The following GPBP1 variants were observed in gnomAD, a reference collection of about 807,000 sequenced individuals.
The protein encoded by GPBP1 is GC-rich promoter binding protein 1, also known as vasculin.
A neutral mutation model predicts 56.5 loss-of-function variants in GPBP1; 13 were observed. The observed-to-expected ratio is 0.23, with a 90% CI of 0.15 to 0.37. GPBP1 has a LOEUF of 0.37. GPBP1 is among the 10% of genes least tolerant of loss of function. The probability of loss-of-function intolerance (pLI) is 1.00; values close to 1 mark genes in which losing one functional copy is unlikely to be tolerated. For missense variants in GPBP1, 477 were observed against 572.3 expected, an observed-to-expected ratio of 0.83 and a Z score of 1.70; for synonymous variants, 204 against 188.9, an observed-to-expected ratio of 1.08 and a Z score of -0.66.
intron 3 of GPBP1, among the ~76,000 whole-genome samples, chr5:57,221,758 C>T (rs1410613342): frequency 6.6e-6 from 1 of 152,100 alleles, no homozygotes; most frequent in East Asian, 1.9e-4. Context: ...CCAAAACTTT[C>T]CTTTGACAAT....
At chr5:57,183,648 C>CA (rs1185479379) in intron 2 of GPBP1, among the ~76,000 whole-genome samples, 2 of 151,070 alleles carry the variant, frequency 1.3e-5, no homozygotes, top group African/African-American at 2.4e-5. Flanking sequence ...CCCCCCATCT[C>CA]AAAAAAAGAA....
chr5:57,178,227 CATA>C (rs1753882356), intron 2 of GPBP1, among the ~76,000 whole-genome samples: 1 of 152,176 alleles, frequency 6.6e-6, no homozygotes, highest in South Asian at 2.1e-4. Flanking sequence ...TAGAAAACTA[CATA>C]ATATTTATTA....
At position 57,188,258 on chromosome 5, in the gene GPBP1, G is replaced by T. The variant is rs569789521; in HGVS notation, c.-58+11858G>T. Among the ~76,000 whole-genome samples, 3 of 145,056 alleles carry T rather than the reference G, an allele frequency of 2.1e-5. No individual in the cohort carries two copies. The South Asian group carries it at 6.6e-4, about 32-fold the overall frequency. ...GAGACTGTCTCAAAAAAAAAAAAAT[G>T]GTTGAAGCACATGCATTCCACTCTT... On this transcript the variant is annotated intron_variant, in intron 2 of 11. Transcript: ENST00000506184.
chr5:57,234,858 A>C (rs1276125810), intron 5 of GPBP1, among the ~76,000 whole-genome samples: 1 of 145,314 alleles, frequency 6.9e-6, no homozygotes, highest in Non-Finnish European at 1.6e-5. Context: ...GATTGTGCCC[A>C]CAATTTGAGT....
intron 2 of GPBP1, among the ~76,000 whole-genome samples, chr5:57,198,240 C>G (rs978376005): frequency 6.6e-6 from 1 of 152,176 alleles, no homozygotes; most frequent in African/African-American, 2.4e-5. Context: ...CACATGTATT[C>G]TAGGCCTTGG....
At chr5:57,257,884 T>TA (rs1466378034) in intron 10 of GPBP1, among the ~76,000 whole-genome samples, 2 of 152,216 alleles carry the variant, frequency 1.3e-5, no homozygotes, top group Non-Finnish European at 2.9e-5. Context: ...TAGTTTGTTT[T>TA]AAGGGTGTTG....
chr5:57,209,233 TA>T (rs1755372056), intron 2 of GPBP1, among the ~76,000 whole-genome samples: 1 of 152,242 alleles, frequency 6.6e-6, no homozygotes, highest in South Asian at 2.1e-4. Context: ...CTTTAGAATT[TA>T]TGTAAGATCA....
chr5:57,246,200 A>T (rs950568311), intron 6 of GPBP1, 100 bp from the exon 7 acceptor site: 1 of 775,064 alleles, frequency 1.3e-6, no homozygotes, highest in Non-Finnish European at 1.8e-6. Flanking sequence ...TGTTAGTTAA[A>T]AAAAAAAAAA....
chr5:57,192,753 CAAAAAAAA>C (rs70999061), intron 2 of GPBP1, among the ~76,000 whole-genome samples: 1 of 103,252 alleles, frequency 9.7e-6, no homozygotes, highest in Admixed American at 1.1e-4. Flanking sequence ...AACTCCGTCT[CAAAAAAAA>C]AAAAAAAAAA....
At chr5:57,213,350 C>T (rs534347900) in intron 2 of GPBP1, among the ~76,000 whole-genome samples, 5 of 152,262 alleles carry the variant, frequency 3.3e-5, no homozygotes, top group Admixed American at 6.5e-5. Flanking sequence ...TGCACTTGGC[C>T]GGTGTCTTCC....
intron 3 of GPBP1, among the ~76,000 whole-genome samples, chr5:57,216,615 G>C (rs909454071): frequency 5.9e-5 from 9 of 152,072 alleles, no homozygotes; most frequent in African/African-American, 2.2e-4. Flanking sequence ...GAACCCGGGA[G>C]GTAGAGGTTG....
chr5:57,264,053 T>A lies in GPBP1; in HGVS notation c.*1301T>A, dbSNP rs1020544419. 15 of 152,196 alleles carry A rather than the reference T, an allele frequency of 9.9e-5. No homozygotes were observed. Among genetic ancestry groups the A allele is most frequent in the Admixed American group, 3.3e-4 (5 of 15,276 alleles). The allele number at this position is 152,196 out of a possible 1,614,324, so 9.4% of individuals were successfully genotyped here. A position where few individuals can be genotyped will look rare whatever the true frequency, so the allele number is the denominator to read the frequency against. On this transcript the variant is annotated 3_prime_UTR_variant, in exon 12 of 12. Transcript: ENST00000506184. ...GTTTTCTCAGATGGCTGCAGTGTTT[T>A]TGCTATTTCTGCATAAATACCCTAC...
chr5:57,248,207 G>T (rs1006444135), intron 8 of GPBP1, among the ~76,000 whole-genome samples: 1 of 152,074 alleles, frequency 6.6e-6, no homozygotes, highest in Non-Finnish European at 1.5e-5. Context: ...TGATTGGGGG[G>T]AAAGGAGGAA....
intron 6 of GPBP1, among the ~76,000 whole-genome samples, chr5:57,244,518 C>T (rs1404430858): frequency 6.6e-6 from 1 of 152,176 alleles, no homozygotes; most frequent in Non-Finnish European, 1.5e-5. Flanking sequence ...TTACCTTTCA[C>T]ATTTTGTAGC....
intron 6 of GPBP1, among the ~76,000 whole-genome samples, chr5:57,239,072 G>A (rs2038742841): frequency 1.3e-5 from 2 of 152,180 alleles, no homozygotes; most frequent in East Asian, 1.9e-4. Context: ...AAAATTCTTC[G>A]TTGGATTTTT....
intron 11 of GPBP1, 109 bp from the exon 12 acceptor site, chr5:57,262,485 G>C: frequency 1.3e-6 from 1 of 778,430 alleles, no homozygotes. Context: ...ATCATTACTT[G>C]TGTAGTTTTT....
At chr5:57,195,977 T>C (rs1434629281) in intron 2 of GPBP1, among the ~76,000 whole-genome samples, 4 of 34,128 alleles carry the variant, frequency 1.2e-4, no homozygotes, top group African/African-American at 3.7e-4. Context: ...TGAAACTCCA[T>C]CTCAAAAAAA....
chr5:57,253,553 A>ATCT (rs1233593644), intron 10 of GPBP1, among the ~76,000 whole-genome samples: 1 of 152,220 alleles, frequency 6.6e-6, no homozygotes, highest in Non-Finnish European at 1.5e-5. Flanking sequence ...CATTTTGTCC[A>ATCT]TCTTGTTCAC....
Position 57,249,449 on chromosome 5 carries a change from A to G in GPBP1, c.845A>G (p.Asn282Ser). Residue 282 changes from asparagine (N) to serine (S), a missense_variant, in exon 9 of 12, where the codon AAT becomes AGT. Asn to Ser is a conservative substitution (Grantham distance 46, BLOSUM62 1). Coordinates refer to ENST00000506184, the MANE Select transcript of GPBP1 (RefSeq NM_022913.4). ...TCCTCTTCTCCTGTTGACAAACTTA[A>G]TCAGCAGCCTCGTCTAACCAAACTG... ...SNSSSPVDKL[N>S]QQPRLTKLTR... is the part of the protein sequence containing the mutation. 3.1e-6 allele frequency: 5 copies of G among 1,608,516 alleles called. No homozygotes were observed. Among genetic ancestry groups the G allele is most frequent in the East Asian group, 2.2e-5 (1 of 44,686 alleles).
Sources: allele counts gnomAD v4.1 joint callset (sites outside exome capture counted in the v4.1 genomes callset), GRCh38; gene constraint gnomAD v4.1.1; transcripts MANE v1.5; gene names NCBI Gene and HGNC (gene_info 2026-07-23, HGNC 2026-07-21).